CDH13: variants seen among roughly 807,000 people sequenced by gnomAD.
CDH13 encodes cadherin 13, also known as cadherin-13.
In CDH13, 24 loss-of-function variants were observed where a neutral mutation model predicts 63.8. The observed-to-expected ratio is 0.38, with a 90% CI of 0.27 to 0.53. The LOEUF (loss-of-function observed/expected upper bound fraction) is 0.53, where lower values mean the gene tolerates loss of function less well. Ranked by LOEUF, CDH13 falls within the 20% of genes least tolerant of loss-of-function variation. The pLI, the probability that CDH13 is intolerant of heterozygous loss-of-function variation, is 0.85. For synonymous variants in CDH13, 503 were observed against 355.3 expected (o/e 1.42, Z -4.67); for missense variants, 1,049 against 903.1 (o/e 1.16, Z -2.07).
chr16:83,334,361 T>TCTCTCTCTCTCA (rs1272779883), intron 5 of CDH13, among the ~76,000 whole-genome samples: 12 of 85,620 alleles, frequency 1.4e-4, no homozygotes, highest in Admixed American at 8.2e-4. Flanking sequence ...TCTCTCTCTC[T>TCTCTCTCTCTCA]CACACACACA....
intron 2 of CDH13, among the ~76,000 whole-genome samples, chr16:82,903,164 C>T (rs889876491): frequency 6.6e-6 from 1 of 152,240 alleles, no homozygotes; most frequent in Admixed American, 6.5e-5. Context: ...TTGACTTATT[C>T]ATAGGATAAC....
At chr16:82,766,044 T>C (rs2151090192) in intron 1 of CDH13, among the ~76,000 whole-genome samples, 1 of 152,308 alleles carries the variant, frequency 6.6e-6, no homozygotes, top group African/African-American at 2.4e-5. Flanking sequence ...AGAGGTTTTA[T>C]TACTAAGCTT....
chr16:83,011,967 C>T (rs557715922), intron 2 of CDH13, among the ~76,000 whole-genome samples: 1 of 152,064 alleles, frequency 6.6e-6, no homozygotes, highest in African/African-American at 2.4e-5. Context: ...CCTTATTCTC[C>T]TTTTATTTCT....
chr16:83,636,112 A>G (rs767755752), intron 8 of CDH13, among the ~76,000 whole-genome samples: 2 of 143,870 alleles, frequency 1.4e-5, no homozygotes, highest in Non-Finnish European at 3.1e-5. Flanking sequence ...AAAAAAAAAA[A>G]TCATGTGGGT....
chr16:82,910,933 A>G (rs1189209719), intron 2 of CDH13, among the ~76,000 whole-genome samples: 3 of 152,170 alleles, frequency 2.0e-5, no homozygotes, highest in Admixed American at 1.3e-4. Context: ...AGCAAAGAAC[A>G]TGACAGGGGT....
intron 6 of CDH13, among the ~76,000 whole-genome samples, chr16:83,369,948 C>T (rs1286073354): frequency 6.6e-6 from 1 of 152,188 alleles, no homozygotes; most frequent in East Asian, 1.9e-4. Context: ...CCCTAGACTC[C>T]CATTCCCTGC....
chr16:82,707,888 A>C (rs1269082722), intron 1 of CDH13, among the ~76,000 whole-genome samples: 3 of 152,204 alleles, frequency 2.0e-5, no homozygotes, highest in African/African-American at 7.2e-5. Flanking sequence ...CGGTTAGGGA[A>C]AGACCAAGCT....
At chr16:83,226,740 A>G (rs909894607) in intron 5 of CDH13, among the ~76,000 whole-genome samples, 3 of 152,172 alleles carry the variant, frequency 2.0e-5, no homozygotes, top group African/African-American at 7.2e-5. Context: ...TTTACAGGGA[A>G]CAAGTTAAAT....
intron 1 of CDH13, among the ~76,000 whole-genome samples, chr16:82,775,295 C>T (rs2035444435): frequency 6.6e-6 from 1 of 152,204 alleles, no homozygotes; most frequent in South Asian, 2.1e-4. Context: ...TCAGCGGAGC[C>T]TCCTAATACA....
At chr16:83,784,189 G>C (rs557905381) in intron 13 of CDH13, among the ~76,000 whole-genome samples, 1 of 152,290 alleles carries the variant, frequency 6.6e-6, no homozygotes, top group African/African-American at 2.4e-5. Context: ...GTGTAATTGT[G>C]AATTAGGAAG....
intron 1 of CDH13, among the ~76,000 whole-genome samples, chr16:82,671,706 A>T (rs1166882926): frequency 1.3e-5 from 2 of 152,182 alleles, no homozygotes; most frequent in Non-Finnish European, 2.9e-5. Context: ...CTTCGTGCCC[A>T]AGCTGTTCTA....
intron 1 of CDH13, among the ~76,000 whole-genome samples, chr16:82,658,377 T>A (rs1315554871): frequency 6.6e-6 from 1 of 152,206 alleles, no homozygotes; most frequent in African/African-American, 2.4e-5. Flanking sequence ...CCCATTTATG[T>A]GCTGGATAAC....
intron 4 of CDH13, among the ~76,000 whole-genome samples, chr16:83,207,885 A>T (rs1039097655): frequency 6.6e-6 from 1 of 152,188 alleles, no homozygotes; most frequent in Non-Finnish European, 1.5e-5. Flanking sequence ...TTTAAGTTAG[A>T]CTTAAGCATA....
chr16:83,424,131 A>T (rs1014031545), intron 6 of CDH13, among the ~76,000 whole-genome samples: 1 of 151,914 alleles, frequency 6.6e-6, no homozygotes, highest in Admixed American at 6.5e-5. Flanking sequence ...AACAGTCTAG[A>T]AGAGGGAAAT....
intron 1 of CDH13, among the ~76,000 whole-genome samples, chr16:82,760,426 T>C (rs1035021588): frequency 6.6e-6 from 1 of 152,212 alleles, no homozygotes; most frequent in Admixed American, 6.5e-5. Flanking sequence ...GTTTATCTTA[T>C]GATTTTATGA....
At chr16:82,745,255 A>C (rs1013018482) in intron 1 of CDH13, among the ~76,000 whole-genome samples, 3 of 152,164 alleles carry the variant, frequency 2.0e-5, no homozygotes, top group Non-Finnish European at 4.4e-5. Flanking sequence ...ATGGGGTTTT[A>C]GGAAGAAATC....
At chr16:83,539,873 G>A (rs998990538) in intron 7 of CDH13, among the ~76,000 whole-genome samples, 4 of 152,150 alleles carry the variant, frequency 2.6e-5, no homozygotes, top group Admixed American at 1.3e-4. Context: ...CCAGCAGTCA[G>A]AAACTGGGCA....
At chr16:83,127,532 C>T (rs2035865762) in intron 4 of CDH13, among the ~76,000 whole-genome samples, 3 of 151,974 alleles carry the variant, frequency 2.0e-5, no homozygotes, top group African/African-American at 7.2e-5. Context: ...GAGTTCAAGA[C>T]CATCCTGGCC....
At chr16:83,518,044 A>G (rs1357174894) in intron 7 of CDH13, among the ~76,000 whole-genome samples, 2 of 152,168 alleles carry the variant, frequency 1.3e-5, no homozygotes, top group Non-Finnish European at 2.9e-5. Flanking sequence ...TAATCTCCAC[A>G]TGTCATAGGA....
Sources: gnomAD v4.1 joint callset for allele counts (sites outside exome capture counted in the v4.1 genomes callset) on GRCh38, gnomAD v4.1.1 for gene constraint, MANE v1.5 for transcripts, NCBI Gene and HGNC (gene_info 2026-07-23, HGNC 2026-07-21) for gene names.